Variants in OAS3 observed in about 807,000 individuals in gnomAD.
OAS3 encodes 2'-5'-oligoadenylate synthase 3.
OAS3 carries 107 observed loss-of-function variants against 113.0 expected under a neutral mutation model. The observed-to-expected ratio is 0.95, with a 90% confidence interval of 0.81 to 1.11. The LOEUF is 1.11. Ranked by LOEUF, OAS3 falls within the 50% of genes most tolerant of loss-of-function variation. OAS3 has a pLI of 0.00. For synonymous variants in OAS3, 552 were observed against 573.6 expected, an observed-to-expected ratio of 0.96 and a Z score of 0.54; for missense variants, 1,258 against 1,389.1, an observed-to-expected ratio of 0.91 and a Z score of 1.50.
chr12:112,956,490 C>T (rs1051043433), intron 7 of OAS3, among the ~76,000 whole-genome samples: 14 of 152,304 alleles, frequency 9.2e-5, no homozygotes, highest in African/African-American at 3.4e-4. Flanking sequence ...ATAAATTTCC[C>T]TCTACACACT....
At chr12:112,941,150 T>TGAATAGCC (rs1258100440) in intron 1 of OAS3, among the ~76,000 whole-genome samples, 1 of 151,356 alleles carries the variant, frequency 6.6e-6, no homozygotes, top group African/African-American at 2.4e-5. Flanking sequence ...ATCGTGTCTG[T>TGAATAGCC]GAATAGCCAC....
chr12:112,953,357 T>C (rs974361084), intron 7 of OAS3, among the ~76,000 whole-genome samples: 7 of 152,380 alleles, frequency 4.6e-5, no homozygotes, highest in African/African-American at 1.4e-4. Flanking sequence ...ATAGTGTATA[T>C]GTGCCACATT....
chr12:112,947,080 T>C, intron 4 of OAS3, 99 bp downstream of exon 4: 1 of 959,772 alleles, frequency 1.0e-6, no homozygotes, highest in Non-Finnish European at 1.6e-6. Context: ...TGCTTGGGTA[T>C]AGAGGCCAAA....
In OAS3 at chr12:112,944,522, C is replaced by T. The variant is rs2043709454; in HGVS notation, c.507C>T (p.Thr169=). Residue 169 remains threonine, a synonymous_variant, in exon 3 of 16, where the codon ACC becomes ACT. Transcript: ENST00000228928. ...GVKPKPQVYS[T]LLNSGCQGGE... ...AACCCAAGCCACAAGTCTACTCTAC[C>T]CTCCTCAACAGTGGCTGCCAAGGGG... The T allele has an allele frequency of 6.2e-7, 1 of 1,613,946 alleles. No homozygotes were observed. Among genetic ancestry groups the T allele is most frequent in the Non-Finnish European group, 8.5e-7 (1 of 1,179,902 alleles).
In OAS3 at chr12:112,962,688, G is replaced by T. The variant is rs2043897771; in HGVS notation, c.1870G>T (p.Ala624Ser). ...GAACAAAGGAAAAGGACCAGCCCCT[G>T]CCTCTCTGCCCCCAGCCTATGCCCT... ...AQNKGKGPAP[A>S]SLPPAYALEL... The change falls in exon 9 of 16, where the codon GCC (alanine) becomes TCC (serine). Residue 624 changes from alanine to serine, a missense_variant. By Grantham distance (99) the Ala-to-Ser change is moderately conservative (BLOSUM62 1). Transcript: ENST00000228928. 2 of 1,613,976 alleles carry T rather than the reference G, an allele frequency of 1.2e-6. No individual in the cohort carries two copies. The highest frequency in any genetic ancestry group is 1.7e-6 in the Non-Finnish European group (2 of 1,179,890).
rs371447468 is a variant in OAS3, at chr12:112,946,925, T to C, written c.819T>C (p.Tyr273=). The change falls in exon 4 of 16, where the codon TAT becomes TAC. Residue 273 remains tyrosine (Y), a synonymous_variant. Coordinates refer to ENST00000228928, the MANE Select transcript of OAS3 (RefSeq NM_006187.4). ...QHLCVFWTVN[Y]GFEDPAVGQF... is the part of the protein sequence containing the mutation. ...TGTGTGTTTTCTGGACTGTCAACTA[T>C]GGCTTCGAGGACCCTGCAGTTGGGC... 3.5e-5 allele frequency: 57 copies of C among 1,614,052 alleles called. No homozygotes were observed. Among genetic ancestry groups the C allele is most frequent in the Admixed American group, 6.7e-5 (4 of 60,036 alleles).
At position 112,941,750 on chromosome 12, in the gene OAS3, T is replaced by C; in HGVS notation, c.358T>C (p.Phe120Leu). 1 of 1,613,980 alleles carries C rather than the reference T, an allele frequency of 6.2e-7. No individual in the cohort carries two copies. The highest frequency in any genetic ancestry group is 8.5e-7 in the Non-Finnish European group (1 of 1,179,882). ...QNPVPGLRLT[F>L]PEQSVPGALQ... ...CCCAGTCCCTGGTCTGAGACTCACG[T>C]TTCCTGAGCAGAGCGTGCCTGGGGC... is the stretch of plus-strand genomic sequence containing the variant. The change falls in exon 2 of 16, where the codon TTT (phenylalanine) becomes CTT (leucine). Residue 120 changes from phenylalanine (F) to leucine (L), a missense_variant. Physicochemically the swap from Phe to Leu is conservative, Grantham distance 22 (BLOSUM62 0). Coordinates refer to ENST00000228928, the MANE Select transcript of OAS3 (RefSeq NM_006187.4).
intron 1 of OAS3, among the ~76,000 whole-genome samples, chr12:112,941,364 A>C (rs989314525): frequency 6.6e-6 from 1 of 152,172 alleles, no homozygotes; most frequent in African/African-American, 2.4e-5. Context: ...TATGGAAAAA[A>C]AATCATGAGT....
At chr12:112,943,938 C>A (rs892913480) in intron 2 of OAS3, among the ~76,000 whole-genome samples, 4 of 152,046 alleles carry the variant, frequency 2.6e-5, no homozygotes, top group African/African-American at 7.2e-5. Context: ...GGTGAACCTC[C>A]CACCTTGGCC....
At chr12:112,956,530 T>C (rs934566912) in intron 7 of OAS3, among the ~76,000 whole-genome samples, 1 of 152,262 alleles carries the variant, frequency 6.6e-6, no homozygotes, top group Non-Finnish European at 1.5e-5. Flanking sequence ...GATTCTGGTA[T>C]GTTGTGTCTT....
In OAS3 at chr12:112,962,917, C is replaced by A; in HGVS notation, c.2084+15C>A. 2 of 1,611,238 alleles carry A rather than the reference C, an allele frequency of 1.2e-6. No homozygotes were observed. The highest frequency in any genetic ancestry group is 2.2e-5 in the East Asian group (1 of 44,780). ...CGAAAACCCAGGTGAAGACCCGCTT[C>A]CCTTTGCCTGGCTTCATTATCCTCC... On this transcript the variant is annotated intron_variant, in intron 9 of 15. Coordinates refer to ENST00000228928, the MANE Select transcript of OAS3 (RefSeq NM_006187.4).
intron 11 of OAS3, 129 bp downstream of exon 11, chr12:112,964,537 G>A: frequency 2.1e-6 from 2 of 969,652 alleles, no homozygotes; most frequent in Non-Finnish European, 1.5e-6. Context: ...AGAAAGAGCT[G>A]GAAAGTGGTC....
Position 112,963,256 on chromosome 12 carries a change from C to A in OAS3, c.2085-57C>A. ...CACGCCCCTTTTCAGCCCTTCCACC[C>A]GCCTCCTCTTTCACTGACTCCCACC... On this transcript the variant is annotated intron_variant, in intron 9 of 15. Transcript: ENST00000228928. This position sits in a 1 kb window ranked among gnomAD's most constrained non-coding sequence, Gnocchi z 4.6. 1.3e-6 allele frequency: 2 copies of A among 1,497,698 alleles called. No individual in the cohort carries two copies. The highest frequency in any genetic ancestry group is 1.8e-6 in the Non-Finnish European group (2 of 1,117,006). The allele number at this position is 1,497,698 out of a possible 1,614,324, so 92.8% of individuals were successfully genotyped here.
chr12:112,939,412 T>C (rs1229318465), intron 1 of OAS3, among the ~76,000 whole-genome samples: 1 of 146,106 alleles, frequency 6.8e-6, no homozygotes, highest in Non-Finnish European at 1.5e-5. Context: ...CTCCGCCTCC[T>C]GGGCTCAAGT....
At chr12:112,957,649 C>T (rs1023287881) in intron 7 of OAS3, among the ~76,000 whole-genome samples, 6 of 152,166 alleles carry the variant, frequency 3.9e-5, no homozygotes, top group African/African-American at 1.4e-4. Context: ...TCTTTAAGAA[C>T]GTCGAATATT....
At chr12:112,943,876 G>A (rs2043703183) in intron 2 of OAS3, among the ~76,000 whole-genome samples, 1 of 152,002 alleles carries the variant, frequency 6.6e-6, no homozygotes, top group Non-Finnish European at 1.5e-5. Context: ...AACATGACTG[G>A]CTAATTTTTG....
In OAS3 at chr12:112,954,167, A is replaced by G. The variant is rs2043813823; in HGVS notation, c.1657+3192A>G. Among the ~76,000 whole-genome samples the G allele has an allele frequency of 6.6e-6, 1 of 152,208 alleles. No homozygotes were observed. The stretch of plus-strand genomic sequence containing the variant: ...AATCCATCTTGAATTAATTTTGTAT[A>G]AGGTGTAAGGAAAGGATACAGTTTC... On this transcript the variant is annotated intron_variant, in intron 7 of 15. Coordinates refer to ENST00000228928, the MANE Select transcript of OAS3 (RefSeq NM_006187.4). This position sits in a 1 kb window ranked among gnomAD's most constrained non-coding sequence, Gnocchi z 4.0.
At chr12:112,957,881 C>T (rs561904453) in intron 7 of OAS3, among the ~76,000 whole-genome samples, 28 of 152,264 alleles carry the variant, frequency 1.8e-4, no homozygotes, top group African/African-American at 6.0e-4. Context: ...TAATGTTGGC[C>T]TGCCTTGCTA....
chr12:112,968,440 A>G (rs2043955939), intron 14 of OAS3, among the ~76,000 whole-genome samples: 1 of 152,232 alleles, frequency 6.6e-6, no homozygotes, highest in South Asian at 2.1e-4. Flanking sequence ...GCTCGATGCC[A>G]TATTTGAGAC....
Sources: allele counts gnomAD v4.1 joint callset (sites outside exome capture counted in the v4.1 genomes callset), GRCh38; gene constraint gnomAD v4.1.1; non-coding constraint Gnocchi (gnomAD v3.1); transcripts MANE v1.5; gene names NCBI Gene and HGNC (gene_info 2026-07-23, HGNC 2026-07-21).